PLXNA4: variants seen among roughly 807,000 people sequenced by gnomAD.
PLXNA4 encodes the protein plexin-A4.
Under a neutral mutation model 191.8 loss-of-function variants are expected in PLXNA4, and 44 were observed. That is an observed-to-expected ratio of 0.23 (90% CI 0.18 to 0.29). PLXNA4 has a LOEUF of 0.29. Ranked by LOEUF, PLXNA4 falls within the 10% of genes least tolerant of loss-of-function variation. The pLI is 1.00. For synonymous variants in PLXNA4, 1,082 were observed against 1,009.5 expected, an observed-to-expected ratio of 1.07 and a Z score of -1.36; for missense variants, 1,800 against 2,488.8, an observed-to-expected ratio of 0.72 and a Z score of 5.89.
At chr7:132,319,249 A>G (rs568421295) in intron 3 of PLXNA4, among the ~76,000 whole-genome samples, 2 of 152,292 alleles carry the variant, frequency 1.3e-5, no homozygotes, top group East Asian at 3.9e-4. Flanking sequence ...GCAGCTTCCC[A>G]GGCCCTGTCC....
intron 3 of PLXNA4, among the ~76,000 whole-genome samples, chr7:132,461,754 G>C (rs998332635): frequency 6.6e-6 from 1 of 152,168 alleles, no homozygotes; most frequent in African/African-American, 2.4e-5. Flanking sequence ...CTAAGACAGC[G>C]GAGTCATTTC....
At chr7:132,361,238 C>T (rs1172659240) in intron 3 of PLXNA4, among the ~76,000 whole-genome samples, 1 of 152,126 alleles carries the variant, frequency 6.6e-6, no homozygotes, top group African/African-American at 2.4e-5. Flanking sequence ...GTCCACTGTG[C>T]CAGCCCAGTG....
rs181586854 is a variant in PLXNA4, at chr7:132,303,207, T to A, written c.1372-4985A>T. The stretch of plus-strand genomic sequence containing the variant: ...TATTTTTACATAGTATAGATACTTG[T>A]GGATCACCTAAACAATGAGAAAGGA... On this transcript the variant is annotated intron_variant, in intron 3 of 31. Transcript: ENST00000321063. Among the ~76,000 whole-genome samples, 5 of 151,686 alleles carry A rather than the reference T, an allele frequency of 3.3e-5. No homozygotes were observed. The East Asian group carries it at 9.7e-4, about 30-fold the overall frequency.
At chr7:132,305,764 G>T (rs917094549) in intron 3 of PLXNA4, among the ~76,000 whole-genome samples, 4 of 152,108 alleles carry the variant, frequency 2.6e-5, no homozygotes, top group Non-Finnish European at 4.4e-5. Context: ...GAGCATTCTG[G>T]CTGCCGTCTT....
At position 132,159,537 on chromosome 7, in the gene PLXNA4, A is replaced by G. The variant is rs1485344803; in HGVS notation, c.4596T>C (p.Ile1532=). 1 of 1,614,076 alleles carries G rather than the reference A, an allele frequency of 6.2e-7. No homozygotes were observed. The highest frequency in any genetic ancestry group is 1.7e-5 in the Admixed American group (1 of 60,002). ...CDTITQVKEK[I]LDAIFKNVPC... is the part of the protein sequence containing the mutation. ...GCACATTCTTGAAGATGGCATCCAG[A>G]ATCTTCTCCTTGACCTGAGTGATGG... The change falls in exon 25 of 32, where the codon ATT becomes ATC. Residue 1532 remains isoleucine, a synonymous_variant. Transcript: ENST00000321063.
At chr7:132,174,554 A>G (rs1235353878) in intron 21 of PLXNA4, among the ~76,000 whole-genome samples, 2 of 152,110 alleles carry the variant, frequency 1.3e-5, no homozygotes, top group Non-Finnish European at 2.9e-5. Context: ...GGGCTCCATG[A>G]TCCTCCAAGA....
chr7:132,447,224 T>C (rs754586933), intron 3 of PLXNA4, among the ~76,000 whole-genome samples: 7 of 152,170 alleles, frequency 4.6e-5, no homozygotes, highest in Non-Finnish European at 8.8e-5. Flanking sequence ...ATAAGCAGAA[T>C]TGGACCTCAT....
At chr7:132,642,320 T>A (rs567062938) in intron 2 of PLXNA4, among the ~76,000 whole-genome samples, 58 of 152,246 alleles carry the variant, frequency 3.8e-4, no homozygotes, top group Non-Finnish European at 7.9e-4. Context: ...CAGTTTGTAT[T>A]ACAGAAATAA....
chr7:132,508,268 C>A lies in PLXNA4; in HGVS notation c.426G>T (p.Arg142Ser), dbSNP rs1348432039. 6.2e-7 allele frequency: 1 copy of A among 1,614,104 alleles called. No individual in the cohort carries two copies. The highest frequency in any genetic ancestry group is 8.5e-7 in the Non-Finnish European group (1 of 1,180,060). Residue 142 changes from arginine (R) to serine (S), a missense_variant, in exon 2 of 32, where the codon AGG (arginine) becomes AGT (serine). Around this residue, in one of 6 missense-constraint regions of PLXNA4, gnomAD observed 1,397 missense variants for 1,880.4 expected, o/e 0.74. Transcript: ENST00000321063. This position sits in a 1 kb window ranked among gnomAD's most constrained non-coding sequence, Gnocchi z 4.4. Reference protein sequence around the residue: ...SLYQGICKLLRLEDLFKLGEP... With the variant: ...SLYQGICKLLSLEDLFKLGEP... ...CCCCCAGCTTGAAGAGGTCCTCCAG[C>A]CTCAGCAGCTTGCAGATGCCTTGGT...
At chr7:132,431,635 G>T (rs1196745837) in intron 3 of PLXNA4, among the ~76,000 whole-genome samples, 2 of 152,132 alleles carry the variant, frequency 1.3e-5, no homozygotes, top group African/African-American at 4.8e-5. Flanking sequence ...CTGCAAGAGG[G>T]CTCACTTTTG....
In PLXNA4 at chr7:132,537,193, G is replaced by A. The variant is rs75984617; in HGVS notation, c.-86-28414C>T. 1.6e-3 allele frequency among the ~76,000 whole-genome samples: 243 copies of A among 152,252 alleles called. 1 individual carries two copies. Among genetic ancestry groups the A allele is most frequent in the African/African-American group, 5.6e-3 (234 of 41,566 alleles). On this transcript the variant is annotated intron_variant, in intron 1 of 31. Transcript: ENST00000321063. ...CTGTCTGAGACCACGCCGTCCACAGGGCCAGCCTGGCAATGGGTCAAGCTA... is the reference window on the plus strand; with the variant it reads ...CTGTCTGAGACCACGCCGTCCACAGAGCCAGCCTGGCAATGGGTCAAGCTA...
intron 4 of PLXNA4, among the ~76,000 whole-genome samples, chr7:132,297,369 A>G (rs760099586): frequency 1.3e-5 from 2 of 152,118 alleles, no homozygotes; most frequent in Non-Finnish European, 2.9e-5. Context: ...CCTTAAATAC[A>G]TGGATGTCCA....
At chr7:132,562,520 T>C (rs1195823129) in intron 1 of PLXNA4, among the ~76,000 whole-genome samples, 256 of 54,022 alleles carry the variant, frequency 4.7e-3, no homozygotes, top group East Asian at 7.5e-3. Context: ...TCTCCTCCTC[T>C]TCCTCCTCCT....
chr7:132,644,993 G>C (rs572993912), intron 2 of PLXNA4, among the ~76,000 whole-genome samples: 48 of 152,156 alleles, frequency 3.2e-4, no homozygotes, highest in Non-Finnish European at 5.1e-4. Flanking sequence ...GTTTCCCCTC[G>C]GGTTAGGACC....
intron 2 of PLXNA4, among the ~76,000 whole-genome samples, chr7:132,498,048 T>G (rs938789362): frequency 6.6e-6 from 1 of 152,182 alleles, no homozygotes; most frequent in Non-Finnish European, 1.5e-5. Flanking sequence ...CCCTGATCCT[T>G]GGCTTCACTT....
chr7:132,169,057 G>T (rs7782124), intron 21 of PLXNA4, among the ~76,000 whole-genome samples: 41,856 of 152,076 alleles, frequency 0.28, 7,616 homozygotes, highest in African/African-American at 0.49. Flanking sequence ...TCGGAGTCAG[G>T]ACATCTGGGT....
intron 8 of PLXNA4, 26 bp downstream of exon 8, chr7:132,226,135 A>C: frequency 6.3e-7 from 1 of 1,592,146 alleles, no homozygotes; most frequent in Non-Finnish European, 8.6e-7. Flanking sequence ...CAGGAACGGG[A>C]AGTGGGTAAG....
chr7:132,216,108 C>T (rs1797955276), intron 9 of PLXNA4, among the ~76,000 whole-genome samples: 1 of 152,184 alleles, frequency 6.6e-6, no homozygotes, highest in South Asian at 2.1e-4. Context: ...CCAATGCTCA[C>T]TCTGGGCAGG....
intron 4 of PLXNA4, among the ~76,000 whole-genome samples, chr7:132,282,900 AG>A (rs950329669): frequency 1.3e-5 from 2 of 152,064 alleles, no homozygotes; most frequent in African/African-American, 2.4e-5. Flanking sequence ...TTTTTGAGAT[AG>A]GGTTTTGCTC....
Sources: allele counts gnomAD v4.1 joint callset (sites outside exome capture counted in the v4.1 genomes callset), GRCh38; gene constraint gnomAD v4.1.1; regional missense constraint gnomAD v4.1.1; non-coding constraint Gnocchi (gnomAD v3.1); transcripts MANE v1.5; gene names NCBI Gene and HGNC (gene_info 2026-07-23, HGNC 2026-07-21).